RORB: variants seen among roughly 807,000 people sequenced by gnomAD.
RORB encodes RAR related orphan receptor B, also known as nuclear receptor ROR-beta.
RORB carries 6 observed loss-of-function variants against 59.1 expected under a neutral mutation model. That is an observed-to-expected ratio of 0.10 (90% CI 0.06 to 0.20). The LOEUF (loss-of-function observed/expected upper bound fraction) is 0.20. Ranked by LOEUF, RORB falls within the 10% of genes least tolerant of loss-of-function variation. RORB has a pLI of 1.00. For synonymous variants in RORB, 215 were observed against 204.5 expected (o/e 1.05, Z -0.44); for missense variants, 320 against 560.5 (o/e 0.57, Z 4.33).
At chr9:74,536,748 AAAAAG>A (rs1188140205) in intron 1 of RORB, among the ~76,000 whole-genome samples, 1 of 152,088 alleles carries the variant, frequency 6.6e-6, no homozygotes, top group African/African-American at 2.4e-5. Flanking sequence ...TAAGAAATAC[AAAAAG>A]AAAACATCAG....
intron 1 of RORB, among the ~76,000 whole-genome samples, chr9:74,629,678 G>T (rs1022716131): frequency 6.6e-6 from 1 of 152,034 alleles, no homozygotes; most frequent in Non-Finnish European, 1.5e-5. Flanking sequence ...TCATTAATTA[G>T]ATTATTAGCA....
intron 1 of RORB, 95 bp from the exon 2 acceptor site, chr9:74,630,187 A>G: frequency 6.7e-7 from 1 of 1,484,478 alleles, no homozygotes; most frequent in Non-Finnish European, 9.0e-7. Flanking sequence ...TTCAAATACA[A>G]ACATCAAGGC....
At chr9:74,527,063 T>C (rs1327657613) in intron 1 of RORB, among the ~76,000 whole-genome samples, 1 of 152,016 alleles carries the variant, frequency 6.6e-6, no homozygotes, top group African/African-American at 2.4e-5. Context: ...GACATCCTTA[T>C]TAATTAAAGC....
intron 9 of RORB, among the ~76,000 whole-genome samples, chr9:74,683,343 G>C (rs971116480): frequency 1.1e-4 from 17 of 152,180 alleles, no homozygotes; most frequent in Non-Finnish European, 1.8e-4. Context: ...CTCCAGTTAA[G>C]TGGACACTTG....
intron 1 of RORB, among the ~76,000 whole-genome samples, chr9:74,562,439 A>G (rs1222705660): frequency 6.6e-6 from 1 of 152,196 alleles, no homozygotes; most frequent in Non-Finnish European, 1.5e-5. Flanking sequence ...AAGGATATCA[A>G]GAAATTTATA....
chr9:74,615,862 G>A (rs1422960978), intron 1 of RORB, among the ~76,000 whole-genome samples: 1 of 152,128 alleles, frequency 6.6e-6, no homozygotes, highest in Non-Finnish European at 1.5e-5. Context: ...ATATCCTGGA[G>A]TGAACTACCA....
chr9:74,661,481 G>A (rs373610700), intron 5 of RORB, among the ~76,000 whole-genome samples: 13 of 152,072 alleles, frequency 8.5e-5, no homozygotes, highest in East Asian at 3.9e-4. Context: ...GCATTGTGTC[G>A]CTATGGTCAA....
chr9:74,566,145 A>G (rs909642862), intron 1 of RORB, among the ~76,000 whole-genome samples: 1 of 152,128 alleles, frequency 6.6e-6, no homozygotes, highest in African/African-American at 2.4e-5. Context: ...CAAACGATGA[A>G]AGGAAGAGTG....
At chr9:74,524,542 A>C (rs550124839) in intron 1 of RORB, among the ~76,000 whole-genome samples, 1 of 152,066 alleles carries the variant, frequency 6.6e-6, no homozygotes, top group African/African-American at 2.4e-5. Context: ...GCATGCATAA[A>C]AGATTCCACT....
At chr9:74,682,255 G>C (rs1338478746) in intron 9 of RORB, among the ~76,000 whole-genome samples, 2 of 135,962 alleles carry the variant, frequency 1.5e-5, no homozygotes, top group Non-Finnish European at 3.1e-5. Context: ...TCCCCTTCCT[G>C]TGTCCATGTG....
At chr9:74,605,330 T>C (rs1161925418) in intron 1 of RORB, among the ~76,000 whole-genome samples, 1 of 152,212 alleles carries the variant, frequency 6.6e-6, no homozygotes, top group Non-Finnish European at 1.5e-5. Context: ...GGATTGTAGA[T>C]AGCCTTTCAA....
At chr9:74,607,879 T>C (rs1192625830) in intron 1 of RORB, among the ~76,000 whole-genome samples, 4 of 152,194 alleles carry the variant, frequency 2.6e-5, no homozygotes, top group Non-Finnish European at 5.9e-5. Flanking sequence ...CACAGAATTG[T>C]GTTTTTATTT....
chr9:74,573,843 C>T lies in RORB; in HGVS notation c.8-56439C>T, dbSNP rs1028883560. Among the ~76,000 whole-genome samples the T allele has an allele frequency of 5.3e-5, 8 of 152,114 alleles. 1 individual carries two copies. Among genetic ancestry groups the T allele is most frequent in the Non-Finnish European group, 2.9e-5 (2 of 68,010 alleles). Reference sequence around the variant, plus strand: ...GGTGCTCTTGAAGCAATTTCTAAAACCACTGTGGAGCACATCGAAAGAAAC... The same window carrying T: ...GGTGCTCTTGAAGCAATTTCTAAAATCACTGTGGAGCACATCGAAAGAAAC... On this transcript the variant is annotated intron_variant, in intron 1 of 9. Coordinates refer to ENST00000376896, the MANE Select transcript of RORB (RefSeq NM_006914.4).
chr9:74,666,210 G>A (rs1243771424), intron 7 of RORB, among the ~76,000 whole-genome samples: 1 of 152,110 alleles, frequency 6.6e-6, no homozygotes, highest in Non-Finnish European at 1.5e-5. Context: ...TCGCTTGAAT[G>A]TGGGAGGTGG....
intron 1 of RORB, among the ~76,000 whole-genome samples, chr9:74,604,449 G>T (rs1416717174): frequency 6.6e-6 from 1 of 152,194 alleles, no homozygotes; most frequent in Non-Finnish European, 1.5e-5. Context: ...CTAGTTGCAA[G>T]GGCATGGGCA....
chr9:74,543,152 C>G (rs1472973124), intron 1 of RORB, among the ~76,000 whole-genome samples: 1 of 152,192 alleles, frequency 6.6e-6, no homozygotes, highest in Non-Finnish European at 1.5e-5. Context: ...TACACTCACA[C>G]CACTCAATCA....
chr9:74,642,811 A>C lies in RORB; in HGVS notation c.633A>C (p.Glu211Asp). 6.3e-7 allele frequency: 1 copy of C among 1,584,374 alleles called. No individual in the cohort carries two copies. Among genetic ancestry groups the C allele is most frequent in the Non-Finnish European group, 8.6e-7 (1 of 1,161,006 alleles). ...TAGCACCAGGGATAACCATGACTGAAATCGGTAAGTGGAAGTCTCCTCCCA... is the reference window on the plus strand; with the variant it reads ...TAGCACCAGGGATAACCATGACTGACATCGGTAAGTGGAAGTCTCCTCCCA... ...GQLAPGITMT[E>D]IDRIAQNIIK... The change falls in exon 4 of 10, where the codon GAA becomes GAC. Residue 211 changes from glutamate to aspartate, a missense_variant. Glu to Asp is a conservative substitution (Grantham distance 45). This residue lies in a region of RORB where 134 missense variants were observed against 156.2 expected (regional missense o/e 0.86). Transcript: ENST00000376896.
chr9:74,565,118 G>C (rs1215132025), intron 1 of RORB, among the ~76,000 whole-genome samples: 3 of 152,134 alleles, frequency 2.0e-5, no homozygotes, highest in Non-Finnish European at 2.9e-5. Flanking sequence ...GTCAGTGGTG[G>C]TTCCTATTAT....
intron 1 of RORB, among the ~76,000 whole-genome samples, chr9:74,503,668 T>C (rs1300940658): frequency 6.6e-6 from 1 of 151,988 alleles, no homozygotes; most frequent in East Asian, 1.9e-4. Context: ...AATAAAATAT[T>C]CCCTCTCAAA....
Sources: gnomAD v4.1 joint callset for allele counts (sites outside exome capture counted in the v4.1 genomes callset) on GRCh38, gnomAD v4.1.1 for gene constraint, gnomAD v4.1.1 regional missense constraint, MANE v1.5 for transcripts, NCBI Gene and HGNC (gene_info 2026-07-23, HGNC 2026-07-21) for gene names.